The following EDNRA variants were observed in gnomAD, a reference collection of about 807,000 sequenced individuals.
The protein encoded by EDNRA is endothelin-1 receptor.
EDNRA carries 11 observed loss-of-function variants against 41.4 expected under a neutral mutation model. The ratio of observed to expected loss-of-function variants is 0.27; its 90% CI spans 0.17 to 0.44. The LOEUF is 0.44. Among genes scored for constraint, EDNRA ranks in the 20% least tolerant of loss-of-function variants. The pLI, the probability that EDNRA is intolerant of heterozygous loss-of-function variation, is 1.00. For synonymous variants in EDNRA, 172 were observed against 183.0 expected (o/e 0.94, Z 0.49); for missense variants, 294 against 531.0 (o/e 0.55, Z 4.39).
intron 1 of EDNRA, among the ~76,000 whole-genome samples, chr4:147,483,465 C>T (rs1422590962): frequency 6.6e-6 from 1 of 152,124 alleles, no homozygotes; most frequent in Non-Finnish European, 1.5e-5. Context: ...TAATAAGTTA[C>T]TATATGTAAA....
intron 7 of EDNRA, among the ~76,000 whole-genome samples, chr4:147,542,071 G>A (rs1351736623): frequency 1.3e-5 from 2 of 152,014 alleles, no homozygotes; most frequent in African/African-American, 2.4e-5. Context: ...GCATAAAATG[G>A]GAGAACATCC....
At chr4:147,524,158 T>TAAA (rs142376177) in intron 3 of EDNRA, among the ~76,000 whole-genome samples, 2 of 143,752 alleles carry the variant, frequency 1.4e-5, no homozygotes, top group Non-Finnish European at 3.1e-5. Flanking sequence ...TCATAAAACT[T>TAAA]AAAAAAAAAA....
intron 3 of EDNRA, among the ~76,000 whole-genome samples, chr4:147,527,742 A>G (rs1053876618): frequency 2.2e-4 from 33 of 152,334 alleles, no homozygotes; most frequent in African/African-American, 7.5e-4. Context: ...TTACATGAAT[A>G]AAATATATAT....
chr4:147,503,495 A>T (rs1578787057), intron 2 of EDNRA, among the ~76,000 whole-genome samples: 1 of 152,112 alleles, frequency 6.6e-6, no homozygotes, highest in South Asian at 2.1e-4. Context: ...TCTGTATTGA[A>T]CCATACTGAT....
intron 2 of EDNRA, among the ~76,000 whole-genome samples, chr4:147,507,537 G>A (rs1008200744): frequency 4.6e-5 from 7 of 152,204 alleles, no homozygotes; most frequent in Admixed American, 4.6e-4. Flanking sequence ...GTTGGGAATG[G>A]GAAGGGGAGA....
intron 2 of EDNRA, among the ~76,000 whole-genome samples, chr4:147,497,153 T>C (rs1370477231): frequency 7.1e-6 from 1 of 141,010 alleles, no homozygotes; most frequent in East Asian, 2.0e-4. Context: ...ATTCTTCTTT[T>C]TTTTTTTTTT....
rs1394625720 is a variant in EDNRA, at chr4:147,539,920, A to T, written c.1004A>T (p.Glu335Val). The T allele has an allele frequency of 6.2e-7, 1 of 1,612,558 alleles. No individual in the cohort carries two copies. Among genetic ancestry groups the T allele is most frequent in the East Asian group, 2.2e-5 (1 of 44,870 alleles). The change falls in exon 6 of 8, where the codon GAG becomes GTG. Residue 335 changes from glutamate to valine, a missense_variant. This residue lies in a region of EDNRA where 185 missense variants were observed against 390.8 expected (regional missense o/e 0.47). Transcript: ENST00000651419. ...ATATTGAAGAAAACTGTGTATAACGAGATGGACAAGAACCGATGTGAATTA... is the reference window on the plus strand; with the variant it reads ...ATATTGAAGAAAACTGTGTATAACGTGATGGACAAGAACCGATGTGAATTA... The part of the protein sequence containing the change: ...SRILKKTVYN[E>V]MDKNRCELLS...
intron 3 of EDNRA, among the ~76,000 whole-genome samples, chr4:147,522,920 A>T (rs761444287): frequency 7.2e-5 from 11 of 152,114 alleles, no homozygotes; most frequent in Admixed American, 1.3e-4. Flanking sequence ...AAATCCATAC[A>T]CGTAAGGTTT....
At chr4:147,523,723 C>T (rs1175924682) in intron 3 of EDNRA, among the ~76,000 whole-genome samples, 2 of 152,040 alleles carry the variant, frequency 1.3e-5, no homozygotes, top group Non-Finnish European at 2.9e-5. Flanking sequence ...ATCTCCTGAT[C>T]TCGTGATCCA....
In EDNRA at chr4:147,544,696, T is replaced by A. The variant is rs1731230200; in HGVS notation, c.*2078T>A. ...TCACACCATTTTGTTTAGACAATTG[T>A]CTTTTTTTCAAGATGCTTTGTTTCT... On this transcript the variant is annotated 3_prime_UTR_variant, in exon 8 of 8. Transcript: ENST00000651419. The A allele has an allele frequency of 6.6e-6, 1 of 152,518 alleles. No individual in the cohort carries two copies. Among genetic ancestry groups the A allele is most frequent in the Non-Finnish European group, 1.5e-5 (1 of 68,042 alleles). 9.4% of individuals were successfully genotyped at this position (152,518 alleles called of 1,614,324 possible). A position where few individuals can be genotyped will look rare whatever the true frequency, so the allele number is the denominator to read the frequency against.
chr4:147,516,676 C>A (rs1250821499), intron 2 of EDNRA, among the ~76,000 whole-genome samples: 1 of 152,126 alleles, frequency 6.6e-6, no homozygotes, highest in Non-Finnish European at 1.5e-5. Context: ...ACCCTTTGAA[C>A]CAATACGACT....
intron 2 of EDNRA, among the ~76,000 whole-genome samples, chr4:147,487,667 T>C (rs1447583693): frequency 6.6e-6 from 1 of 152,196 alleles, no homozygotes; most frequent in African/African-American, 2.4e-5. Context: ...GGTCTGATAA[T>C]ATAGATGAAA....
chr4:147,540,512 A>G, intron 7 of EDNRA, 27 bp downstream of exon 7: 1 of 1,517,208 alleles, frequency 6.6e-7, no homozygotes, highest in Non-Finnish European at 9.1e-7. Context: ...AGTATTTTTT[A>G]AAGACAACAA....
intron 3 of EDNRA, 116 bp downstream of exon 3, chr4:147,520,094 A>G: frequency 7.7e-7 from 1 of 1,303,664 alleles, no homozygotes; most frequent in Non-Finnish European, 1.1e-6. Context: ...CTTCAAGTGA[A>G]TTAAAGCATT....
chr4:147,520,743 G>T (rs1730295061), intron 3 of EDNRA, among the ~76,000 whole-genome samples: 1 of 152,182 alleles, frequency 6.6e-6, no homozygotes, highest in Non-Finnish European at 1.5e-5. Flanking sequence ...TTTAGAAGAG[G>T]TTTTCATTCT....
At chr4:147,502,907 T>C (rs1729564546) in intron 2 of EDNRA, among the ~76,000 whole-genome samples, 1 of 152,236 alleles carries the variant, frequency 6.6e-6, no homozygotes, top group Non-Finnish European at 1.5e-5. Context: ...GACTGCTTTT[T>C]TTCATTTATT....
At chr4:147,521,674 A>C (rs1175872554) in intron 3 of EDNRA, among the ~76,000 whole-genome samples, 1 of 152,206 alleles carries the variant, frequency 6.6e-6, no homozygotes, top group African/African-American at 2.4e-5. Context: ...AATACAAGTA[A>C]AATTTTTCCT....
intron 7 of EDNRA, among the ~76,000 whole-genome samples, 182 bp from the exon 8 acceptor site, chr4:147,542,296 G>A (rs1731131322): frequency 6.6e-6 from 1 of 152,204 alleles, no homozygotes; most frequent in Admixed American, 6.5e-5. Flanking sequence ...TCTCTGCACT[G>A]GAATGGACAG....
At chr4:147,537,977 G>A (rs530279187) in intron 5 of EDNRA, among the ~76,000 whole-genome samples, 16 of 152,262 alleles carry the variant, frequency 1.1e-4, no homozygotes, top group African/African-American at 3.4e-4. Context: ...TTTGCTTCTT[G>A]CTTGGTTGTC....
Sources: allele counts gnomAD v4.1 joint callset (sites outside exome capture counted in the v4.1 genomes callset), GRCh38; gene constraint gnomAD v4.1.1; regional missense constraint gnomAD v4.1.1; transcripts MANE v1.5; gene names NCBI Gene and HGNC (gene_info 2026-07-23, HGNC 2026-07-21).